The following NRXN1 variants were observed in gnomAD, a reference collection of about 807,000 sequenced individuals.
NRXN1 encodes the protein neurexin-1.
A neutral mutation model predicts 150.9 loss-of-function variants in NRXN1; 39 were observed. The observed-to-expected ratio is 0.26, with a 90% CI of 0.20 to 0.34. NRXN1 has a LOEUF of 0.34. Ranked by LOEUF, NRXN1 falls within the 10% of genes least tolerant of loss-of-function variation. The pLI, the probability that NRXN1 is intolerant of heterozygous loss-of-function variation, is 1.00. For missense variants in NRXN1, 1,815 were observed against 1,949.9 expected, an observed-to-expected ratio of 0.93 and a Z score of 1.30; for synonymous variants, 924 against 757.0, an observed-to-expected ratio of 1.22 and a Z score of -3.62.
chr2:50,099,853 C>A (rs1195995940), intron 18 of NRXN1, among the ~76,000 whole-genome samples: 1 of 152,060 alleles, frequency 6.6e-6, no homozygotes, highest in Admixed American at 6.6e-5. Context: ...CTAAAATCTA[C>A]CTGTGCTCAA....
chr2:51,003,856 G>A (rs569731308), intron 2 of NRXN1, among the ~76,000 whole-genome samples: 1 of 152,076 alleles, frequency 6.6e-6, no homozygotes, highest in African/African-American at 2.4e-5. Flanking sequence ...TTCAGCTTGT[G>A]AATAAAGTTG....
chr2:50,344,093 G>A (rs1327700958), intron 17 of NRXN1, among the ~76,000 whole-genome samples: 7 of 152,158 alleles, frequency 4.6e-5, no homozygotes, highest in Admixed American at 1.3e-4. Context: ...AACAACTAGC[G>A]AAATATTCAG....
intron 17 of NRXN1, among the ~76,000 whole-genome samples, chr2:50,348,703 C>G (rs2078214259): frequency 6.6e-6 from 1 of 152,202 alleles, no homozygotes; most frequent in South Asian, 2.1e-4. Flanking sequence ...GAGTAGAAAT[C>G]TAGCAATGCA....
intron 5 of NRXN1, among the ~76,000 whole-genome samples, chr2:50,689,912 G>A (rs1170222618): frequency 6.7e-6 from 1 of 148,828 alleles, no homozygotes; most frequent in African/African-American, 2.5e-5. Context: ...TTGAGACGGA[G>A]TCTCGCTCTT....
chr2:50,052,760 A>G (rs557432669), intron 21 of NRXN1, among the ~76,000 whole-genome samples: 2 of 152,158 alleles, frequency 1.3e-5, no homozygotes, highest in Non-Finnish European at 2.9e-5. Context: ...ATAAATAGTG[A>G]AAGAGTATAC....
At chr2:50,208,917 C>T (rs1169557949) in intron 18 of NRXN1, among the ~76,000 whole-genome samples, 6 of 152,076 alleles carry the variant, frequency 3.9e-5, no homozygotes, top group African/African-American at 1.4e-4. Flanking sequence ...ACACAAACTA[C>T]ATATAATATA....
At chr2:50,888,776 C>A (rs545950937) in intron 5 of NRXN1, among the ~76,000 whole-genome samples, 1 of 150,878 alleles carries the variant, frequency 6.6e-6, no homozygotes, top group African/African-American at 2.4e-5. Flanking sequence ...AATTTGAATT[C>A]TGTGGCTTAA....
intron 21 of NRXN1, among the ~76,000 whole-genome samples, chr2:50,049,248 A>T (rs1351174545): frequency 6.6e-6 from 1 of 152,180 alleles, no homozygotes; most frequent in Non-Finnish European, 1.5e-5. Flanking sequence ...ACTGGGCTGC[A>T]TGGCCACATG....
intron 2 of NRXN1, among the ~76,000 whole-genome samples, chr2:50,985,722 G>C (rs1373457478): frequency 6.6e-6 from 1 of 151,516 alleles, no homozygotes; most frequent in Non-Finnish European, 1.5e-5. Context: ...AGATATGGGA[G>C]GCTGTGCTAA....
intron 12 of NRXN1, among the ~76,000 whole-genome samples, chr2:50,508,787 T>G (rs562405008): frequency 6.6e-6 from 1 of 152,280 alleles, no homozygotes; most frequent in Non-Finnish European, 1.5e-5. Flanking sequence ...AACCCTTTGG[T>G]TCATAAAAAT....
chr2:50,132,178 T>C (rs1003030176), intron 18 of NRXN1, among the ~76,000 whole-genome samples: 9 of 152,230 alleles, frequency 5.9e-5, no homozygotes, highest in African/African-American at 1.4e-4. Context: ...CATTTCAAAA[T>C]AGACATTAAG....
chr2:50,213,825 T>A (rs73930317), intron 18 of NRXN1, among the ~76,000 whole-genome samples: 2,846 of 151,964 alleles, frequency 0.019, 99 homozygotes, highest in African/African-American at 0.066. Flanking sequence ...TCTGAAGGTA[T>A]TCCATTTAAA....
chr2:50,913,932 T>C (rs1684869178), intron 5 of NRXN1, among the ~76,000 whole-genome samples: 1 of 151,792 alleles, frequency 6.6e-6, no homozygotes, highest in African/African-American at 2.4e-5. Flanking sequence ...TTACACCACA[T>C]GTAACAGTCC....
At chr2:50,037,941 T>A (rs997103953) in intron 21 of NRXN1, among the ~76,000 whole-genome samples, 9 of 152,154 alleles carry the variant, frequency 5.9e-5, no homozygotes, top group Non-Finnish European at 1.3e-4. Flanking sequence ...ACCAGATTAA[T>A]TGCGGCCATA....
intron 18 of NRXN1, among the ~76,000 whole-genome samples, chr2:50,182,319 G>C (rs1002893012): frequency 3.3e-5 from 5 of 151,664 alleles, no homozygotes; most frequent in African/African-American, 1.2e-4. Context: ...TCATCTTCTA[G>C]ATCAAAAAAT....
chr2:49,996,191 A>T (rs1345162071), intron 21 of NRXN1, among the ~76,000 whole-genome samples: 1 of 152,230 alleles, frequency 6.6e-6, no homozygotes, highest in Non-Finnish European at 1.5e-5. Flanking sequence ...AGGTATTATG[A>T]AAGTTCACAG....
chr2:50,613,455 T>A (rs985133531), intron 8 of NRXN1, among the ~76,000 whole-genome samples: 1 of 152,196 alleles, frequency 6.6e-6, no homozygotes, highest in African/African-American at 2.4e-5. Flanking sequence ...TACTGTATAG[T>A]GCATACTGAT....
intron 17 of NRXN1, among the ~76,000 whole-genome samples, chr2:50,286,326 ACT>A (rs976251031): frequency 1.2e-4 from 19 of 152,138 alleles, no homozygotes; most frequent in African/African-American, 4.1e-4. Flanking sequence ...TCACAATTCT[ACT>A]CTCTACTTCT....
intron 2 of NRXN1, among the ~76,000 whole-genome samples, chr2:50,953,935 G>C (rs967198650): frequency 7.2e-5 from 11 of 151,988 alleles, no homozygotes; most frequent in African/African-American, 2.7e-4. Context: ...AAAATCAAAG[G>C]GACAAAATAT....
Sources: allele counts gnomAD v4.1 joint callset (sites outside exome capture counted in the v4.1 genomes callset), GRCh38; gene constraint gnomAD v4.1.1; transcripts MANE v1.5; gene names NCBI Gene and HGNC (gene_info 2026-07-23, HGNC 2026-07-21).